GABBR2: variants seen among roughly 807,000 people sequenced by gnomAD.
GABBR2 encodes the protein G-protein coupled receptor 51.
A neutral mutation model predicts 105.6 loss-of-function variants in GABBR2; 23 were observed. That is an observed-to-expected ratio of 0.22 (90% CI 0.16 to 0.31). The LOEUF (loss-of-function observed/expected upper bound fraction) is 0.31, where lower values mean the gene tolerates loss of function less well. GABBR2 is among the 10% of genes least tolerant of loss of function. The probability of loss-of-function intolerance (pLI) is 1.00; values close to 1 mark genes in which losing one functional copy is unlikely to be tolerated. For missense variants in GABBR2, 734 were observed against 1,245.5 expected (o/e 0.59, Z 6.18); for synonymous variants, 478 against 499.7 (o/e 0.96, Z 0.58).
At chr9:98,524,769 G>A (rs922976647) in intron 3 of GABBR2, among the ~76,000 whole-genome samples, 3 of 151,568 alleles carry the variant, frequency 2.0e-5, no homozygotes, top group Non-Finnish European at 4.4e-5. Flanking sequence ...CCCTCTACTC[G>A]GTGGTGCCAA....
chr9:98,577,930 C>T lies in GABBR2; in HGVS notation c.459+5G>A. ...CCCCACAAAAGAAGGTAGCTCAGAC[C>T]TTACCTGCACCAGATTCCAGCCTTG... On this transcript the variant is annotated splice_donor_5th_base_variant and intron_variant, in intron 2 of 18. Transcript: ENST00000259455. 6.2e-7 allele frequency: 1 copy of T among 1,609,264 alleles called. No homozygotes were observed. The highest frequency in any genetic ancestry group is 8.5e-7 in the Non-Finnish European group (1 of 1,177,288).
intron 3 of GABBR2, among the ~76,000 whole-genome samples, chr9:98,525,855 T>C (rs1827945778): frequency 6.6e-6 from 1 of 152,234 alleles, no homozygotes; most frequent in South Asian, 2.1e-4. Context: ...TACTGATATA[T>C]GCTACAACGT....
chr9:98,447,130 C>T (rs1336296456), intron 7 of GABBR2, among the ~76,000 whole-genome samples: 3 of 109,898 alleles, frequency 2.7e-5, no homozygotes, highest in African/African-American at 6.6e-5. Context: ...GGCGCAATCT[C>T]GGCTCACTGC....
intron 1 of GABBR2, among the ~76,000 whole-genome samples, chr9:98,618,486 ATC>A (rs10611275): frequency 0.014 from 2,016 of 145,136 alleles, 22 homozygotes; most frequent in East Asian, 0.034. Flanking sequence ...GGTCTGCTGC[ATC>A]TCTCTCTCTC....
Position 98,290,444 on chromosome 9 carries a change from A to C in GABBR2, c.*140T>G. On this transcript the variant is annotated 3_prime_UTR_variant, in exon 19 of 19. Coordinates refer to ENST00000259455, the MANE Select transcript of GABBR2 (RefSeq NM_005458.8). ...CCCCCTGCCCCGTCCTGTCCACCTGAGTGCCATCCGAGTGGTCCTGAGAGG... is the reference window on the plus strand; with the variant it reads ...CCCCCTGCCCCGTCCTGTCCACCTGCGTGCCATCCGAGTGGTCCTGAGAGG... 2.1e-6 allele frequency: 1 copy of C among 467,816 alleles called. No homozygotes were observed. The allele number at this position is 467,816 out of a possible 1,614,324, so 29.0% of individuals were successfully genotyped here. A position where few individuals can be genotyped will look rare whatever the true frequency, so the allele number is the denominator to read the frequency against.
In GABBR2 at chr9:98,663,996, C is replaced by T. The variant is rs117119755; in HGVS notation, c.321+44421G>A. Among the ~76,000 whole-genome samples, 452 of 152,246 alleles carry T rather than the reference C, an allele frequency of 3.0e-3. 8 individuals are homozygous for T. In the East Asian group the frequency reaches 0.038, roughly 13 times the overall value. ...TAGGGATAGCTAAGAAAAGGCATCC[C>T]GGCCCAGGTCCAGATCATAATGAGT... On this transcript the variant is annotated intron_variant, in intron 1 of 18. Transcript: ENST00000259455.
intron 6 of GABBR2, among the ~76,000 whole-genome samples, chr9:98,465,594 C>G (rs1176372326): frequency 6.6e-6 from 1 of 152,242 alleles, no homozygotes; most frequent in Non-Finnish European, 1.5e-5. Context: ...GCAAACTATA[C>G]TAGCTAGCTT....
At chr9:98,464,129 C>A (rs1022882152) in intron 6 of GABBR2, among the ~76,000 whole-genome samples, 11 of 151,822 alleles carry the variant, frequency 7.2e-5, no homozygotes, top group Non-Finnish European at 1.3e-4. Flanking sequence ...TCTGCCCGGC[C>A]GCCCCGTCTG....
At chr9:98,571,425 C>T (rs1339970483) in intron 2 of GABBR2, among the ~76,000 whole-genome samples, 1 of 152,134 alleles carries the variant, frequency 6.6e-6, no homozygotes, top group East Asian at 1.9e-4. Context: ...GTTAAAGAGC[C>T]CAGGTGTCTG....
At chr9:98,494,685 G>A (rs1056720764) in intron 4 of GABBR2, among the ~76,000 whole-genome samples, 3 of 151,710 alleles carry the variant, frequency 2.0e-5, no homozygotes, top group Non-Finnish European at 4.4e-5. Flanking sequence ...TGGGGAGGAC[G>A]AATTGAGCAA....
intron 3 of GABBR2, among the ~76,000 whole-genome samples, chr9:98,496,866 T>C (rs1827291691): frequency 1.3e-5 from 2 of 152,232 alleles, no homozygotes; most frequent in Non-Finnish European, 1.5e-5. Flanking sequence ...TGTTAATATT[T>C]TGCACTATTT....
chr9:98,349,349 G>GT lies in GABBR2; in HGVS notation c.1893+13365dup, dbSNP rs1182072320. On this transcript the variant is annotated intron_variant, in intron 13 of 18. Transcript: ENST00000259455. ...TTTGCCAATATTTTGTTGAAGTTTTGTTTTTTTTTTTTTTTTTTTTTTTTT... is the reference window on the plus strand; with the variant it reads ...TTTGCCAATATTTTGTTGAAGTTTTGTTTTTTTTTTTTTTTTTTTTTTTTTT... 7.7e-3 allele frequency among the ~76,000 whole-genome samples: 186 copies of GT among 24,224 alleles called. 11 individuals are homozygous for GT. Among genetic ancestry groups the GT allele is most frequent in the South Asian group, 0.011 (8 of 724 alleles). The allele number at this position is 24,224 out of a possible 152,430, so 15.9% of individuals were successfully genotyped here. A position where few individuals can be genotyped will look rare whatever the true frequency, so the allele number is the denominator to read the frequency against.
chr9:98,306,425 T>TGGTGG lies in GABBR2; in HGVS notation c.2005-81_2005-80insCCACC. 1 of 696,622 alleles carries TGGTGG rather than the reference T, an allele frequency of 1.4e-6. No individual in the cohort carries two copies. Among genetic ancestry groups the TGGTGG allele is most frequent in the Non-Finnish European group, 2.4e-6 (1 of 413,900 alleles). 43.2% of individuals were successfully genotyped at this position (696,622 alleles called of 1,614,324 possible). A position where few individuals can be genotyped will look rare whatever the true frequency, so the allele number is the denominator to read the frequency against. Reference sequence around the variant, plus strand: ...CAGGCTGCTCTGAGAAGCTGTGGAGTGGAGGGTTACTCAGGAGGTGGGCTG... The same window carrying TGGTGG: ...CAGGCTGCTCTGAGAAGCTGTGGAGTGGTGGGGAGGGTTACTCAGGAGGTGGGCTG... On this transcript the variant is annotated intron_variant, in intron 14 of 18. Coordinates refer to ENST00000259455, the MANE Select transcript of GABBR2 (RefSeq NM_005458.8). The surrounding 1 kb of genome is among the most constrained non-coding windows in gnomAD (Gnocchi z 5.4).
intron 4 of GABBR2, among the ~76,000 whole-genome samples, chr9:98,488,660 A>T (rs979043566): frequency 1.3e-5 from 2 of 151,932 alleles, no homozygotes; most frequent in African/African-American, 4.8e-5. Context: ...TCCTCCACTT[A>T]AGGCAAGTAA....
chr9:98,594,014 C>T (rs911676465), intron 1 of GABBR2, among the ~76,000 whole-genome samples: 2 of 152,222 alleles, frequency 1.3e-5, no homozygotes, highest in South Asian at 4.1e-4. Context: ...CGCCTCTCTG[C>T]ATCACAAGCT....
intron 1 of GABBR2, among the ~76,000 whole-genome samples, chr9:98,651,066 A>C (rs1211002788): frequency 6.6e-6 from 1 of 152,016 alleles, no homozygotes; most frequent in East Asian, 1.9e-4. Flanking sequence ...AATGGTTAAA[A>C]TTGTAAATTT....
chr9:98,528,569 A>G (rs557555690), intron 3 of GABBR2, among the ~76,000 whole-genome samples: 7 of 152,230 alleles, frequency 4.6e-5, no homozygotes, highest in Non-Finnish European at 8.8e-5. Context: ...ATATGACAAA[A>G]GGCTGATCTG....
intron 1 of GABBR2, among the ~76,000 whole-genome samples, chr9:98,639,501 G>A: frequency 6.6e-6 from 1 of 151,862 alleles, no homozygotes; most frequent in East Asian, 1.9e-4. Flanking sequence ...AGCACACCTT[G>A]CAGCGACACA....
At chr9:98,478,531 C>T (rs1049046624) in intron 5 of GABBR2, among the ~76,000 whole-genome samples, 3 of 152,182 alleles carry the variant, frequency 2.0e-5, no homozygotes, top group African/African-American at 7.2e-5. Flanking sequence ...AGAGAAACCT[C>T]ATCTCAAAAT....
Sources: allele counts gnomAD v4.1 joint callset (sites outside exome capture counted in the v4.1 genomes callset), GRCh38; gene constraint gnomAD v4.1.1; non-coding constraint Gnocchi (gnomAD v3.1); transcripts MANE v1.5; gene names NCBI Gene and HGNC (gene_info 2026-07-23, HGNC 2026-07-21).